POLR1C: variants seen among roughly 807,000 people sequenced by gnomAD.
POLR1C encodes RNA polymerase I and III subunit C.
Under a neutral mutation model 38.3 loss-of-function variants are expected in POLR1C, and 42 were observed. The observed-to-expected ratio is 1.10, with a 90% CI of 0.86 to 1.42. POLR1C has a LOEUF of 1.42. Ranked by LOEUF, POLR1C falls within the 40% of genes most tolerant of loss-of-function variation. The pLI, the probability that POLR1C is intolerant of heterozygous loss-of-function variation, is 0.00. For synonymous variants in POLR1C, 163 were observed against 163.9 expected (o/e 0.99, Z 0.04); for missense variants, 507 against 450.5 (o/e 1.13, Z -1.14).
At chr6:43,527,524 G>T in intron 8 of POLR1C, 3 of 1,078,026 alleles carry the variant, frequency 2.8e-6, no homozygotes, top group Non-Finnish European at 2.8e-6. Context: ...CACCATGCCC[G>T]CCGCAAACAT....
chr6:43,526,218 G>A (rs1793578360), downstream of POLR1C: 6 of 433,820 alleles, frequency 1.4e-5, no homozygotes, highest in South Asian at 1.7e-4. Flanking sequence ...CACTGATTTA[G>A]TTACTGGGGA....
downstream of POLR1C, chr6:43,526,246 T>C (rs1793580683): frequency 7.6e-6 from 3 of 394,874 alleles, no homozygotes; most frequent in South Asian, 6.6e-5. Context: ...TATAGGACAA[T>C]AGGTCCCTTC....
chr6:43,546,554 C>T, intron 9 of POLR1C: 1 of 1,591,422 alleles, frequency 6.3e-7, no homozygotes, highest in Non-Finnish European at 8.5e-7. Flanking sequence ...CAGAGAAAAG[C>T]CATTATTCTG....
chr6:43,517,746 G>C (rs1010616963), intron 2 of POLR1C, among the ~76,000 whole-genome samples: 1 of 152,162 alleles, frequency 6.6e-6, no homozygotes, highest in Non-Finnish European at 1.5e-5. Flanking sequence ...TGAATGGTAA[G>C]TAAAAAAGAA....
chr6:43,543,673 A>ATT (rs111929412), intron 9 of POLR1C, among the ~76,000 whole-genome samples: 1 of 149,730 alleles, frequency 6.7e-6, no homozygotes, highest in African/African-American at 2.5e-5. Flanking sequence ...AATTTATTTA[A>ATT]TTTTTTTTTT....
intron 9 of POLR1C, among the ~76,000 whole-genome samples, chr6:43,544,958 C>T (rs562820388): frequency 6.6e-5 from 10 of 152,174 alleles, no homozygotes; most frequent in South Asian, 2.1e-4. Context: ...CTGCAATCTC[C>T]GCCTCCCGGG....
chr6:43,520,671 G>C lies in POLR1C; in HGVS notation c.702G>C (p.Arg234Ser). Residue 234 changes from arginine to serine, a missense_variant, in exon 7 of 9, where the codon AGG becomes AGC. By Grantham distance (110) the Arg-to-Ser change is moderately radical. Transcript: ENST00000642195. ...CACCAGTGGCAACAGCCAGTTACAG[G>C]CTCCTGCCAGACATCACCCTGCTTG... The part of the protein sequence containing the change: ...KFSPVATASY[R>S]LLPDITLLEP... 6.2e-7 allele frequency: 1 copy of C among 1,614,112 alleles called. No homozygotes were observed. The highest frequency in any genetic ancestry group is 1.3e-5 in the African/African-American group (1 of 75,038).
downstream of POLR1C, among the ~76,000 whole-genome samples, chr6:43,532,651 C>T (rs2127709596): frequency 6.6e-6 from 1 of 152,340 alleles, no homozygotes; most frequent in Admixed American, 6.5e-5. Flanking sequence ...ATGCCCCTAA[C>T]CTAGCTAGTT....
chr6:43,533,985 G>C (rs1165730717), downstream of POLR1C: 1 of 1,604,262 alleles, frequency 6.2e-7, no homozygotes, highest in Non-Finnish European at 8.5e-7. Flanking sequence ...AGCATTTCTG[G>C]TGCATATAAT....
chr6:43,528,271 G>A, intron 8 of POLR1C: 12 of 1,482,304 alleles, frequency 8.1e-6, no homozygotes, highest in Non-Finnish European at 1.1e-5. Flanking sequence ...AATATCTAAA[G>A]TCAAGTCCAC....
At chr6:43,530,867 C>T, downstream of POLR1C, 6 of 1,589,078 alleles carry the variant, frequency 3.8e-6, no homozygotes, top group Non-Finnish European at 5.1e-6. Flanking sequence ...ACAAATCCAA[C>T]ATCTGTTACT....
At chr6:43,537,328 G>A (rs1203114371) in intron 9 of POLR1C, among the ~76,000 whole-genome samples, 1 of 152,016 alleles carries the variant, frequency 6.6e-6, no homozygotes, top group East Asian at 1.9e-4. Context: ...ACATACCTGG[G>A]AGTCTTTTAA....
chr6:43,560,891 A>G, intron 10 of POLR1C: 1 of 1,564,394 alleles, frequency 6.4e-7, no homozygotes, highest in South Asian at 1.1e-5. Flanking sequence ...TCACCTAACT[A>G]AACTTTTGAG....
intron 8 of POLR1C, chr6:43,528,064 A>T: frequency 7.8e-7 from 1 of 1,276,922 alleles, no homozygotes; most frequent in Non-Finnish European, 1.1e-6. Context: ...CTGCTCTTCT[A>T]CCCTGGGACA....
At chr6:43,526,364 G>T (rs1449739517), downstream of POLR1C, 1 of 434,590 alleles carries the variant, frequency 2.3e-6, no homozygotes, top group Non-Finnish European at 4.2e-6. Flanking sequence ...ATAAAGCAGA[G>T]GAATACAGAG....
At chr6:43,523,271 A>C (rs1793310159), downstream of POLR1C, 1 of 224,236 alleles carries the variant, frequency 4.5e-6, no homozygotes, top group Non-Finnish European at 9.0e-6. Flanking sequence ...AGTAGCCTGT[A>C]CCATGGATCC....
At chr6:43,524,068 T>G (rs574847520), downstream of POLR1C, 154 of 1,575,430 alleles carry the variant, frequency 9.8e-5, 2 homozygotes, top group African/African-American at 1.8e-3. Flanking sequence ...AAGATTCTCT[T>G]GGCCCGGCGC....
chr6:43,553,578 C>G, intron 10 of POLR1C: 1 of 1,500,342 alleles, frequency 6.7e-7, no homozygotes, highest in Non-Finnish European at 8.9e-7. Flanking sequence ...TCGCAGAAGA[C>G]ACAGAGAGAC....
At chr6:43,542,417 A>AT (rs569659307) in intron 9 of POLR1C, among the ~76,000 whole-genome samples, 23 of 149,648 alleles carry the variant, frequency 1.5e-4, no homozygotes, top group East Asian at 3.9e-4. Context: ...TTATTTTTCA[A>AT]TTTTTTTTTT....
Sources: gnomAD v4.1 joint callset for allele counts (sites outside exome capture counted in the v4.1 genomes callset) on GRCh38, gnomAD v4.1.1 for gene constraint, MANE v1.5 for transcripts, NCBI Gene and HGNC (gene_info 2026-07-23, HGNC 2026-07-21) for gene names.